Variants in TBCE observed in about 807,000 individuals in gnomAD.
TBCE encodes tubulin-specific chaperone E.
A neutral mutation model predicts 77.0 loss-of-function variants in TBCE; 53 were observed. The ratio of observed to expected loss-of-function variants is 0.69; its 90% CI spans 0.55 to 0.87. The LOEUF is 0.87. TBCE is among the 40% of genes least tolerant of loss of function. The pLI, the probability that TBCE is intolerant of heterozygous loss-of-function variation, is 0.00. For missense variants in TBCE, 624 were observed against 622.4 expected (o/e 1.00, Z -0.03); for synonymous variants, 235 against 241.3 (o/e 0.97, Z 0.24).
rs1400252555 is a variant in TBCE, at chr1:235,402,377, CTAT to C, written c.185+798_185+800del. Reference sequence around the variant, plus strand: ...ACGCCCGGCCTGTCACATTGCATTTCTATTATTATTTTTGATCGCCTGATGTCA... The same window carrying C: ...ACGCCCGGCCTGTCACATTGCATTTCTATTATTTTTGATCGCCTGATGTCA... On this transcript the variant is annotated intron_variant, in intron 3 of 16. Coordinates refer to ENST00000642610, the MANE Select transcript of TBCE (RefSeq NM_003193.5). Among the ~76,000 whole-genome samples the C allele has an allele frequency of 3.9e-5, 6 of 151,956 alleles. No individual in the cohort carries two copies. In the East Asian group the frequency reaches 1.2e-3, roughly 29 times the overall value.
intron 4 of TBCE, 93 bp from the exon 5 acceptor site, chr1:235,419,380 C>A (rs1424161007): frequency 1.3e-6 from 2 of 1,570,434 alleles, no homozygotes; most frequent in Non-Finnish European, 1.7e-6. Flanking sequence ...TTTTTGGTAC[C>A]CTTTTATATG....
chr1:235,384,731 G>A (rs138065209), intron 2 of TBCE, among the ~76,000 whole-genome samples: 1,617 of 151,986 alleles, frequency 0.011, 9 homozygotes, highest in Non-Finnish European at 0.014. Context: ...TCTTGCTAGC[G>A]GTCTATCAAT....
chr1:235,434,023 TAACA>T, intron 7 of TBCE, 177 bp from the exon 8 acceptor site: 1 of 602,754 alleles, frequency 1.7e-6, no homozygotes, highest in Non-Finnish European at 3.0e-6. Context: ...TGCACCCCCT[TAACA>T]TTTTATTTAT....
chr1:235,390,702 A>G (rs1678329743), intron 2 of TBCE, among the ~76,000 whole-genome samples: 1 of 150,322 alleles, frequency 6.7e-6, no homozygotes, highest in South Asian at 2.1e-4. Context: ...CGGAGGTTGC[A>G]GTGAGCTGAG....
intron 3 of TBCE, among the ~76,000 whole-genome samples, chr1:235,408,849 T>C (rs957555363): frequency 5.9e-5 from 9 of 152,098 alleles, no homozygotes; most frequent in Admixed American, 5.2e-4. Context: ...AGACCTGGCC[T>C]TTTCCAGTAG....
chr1:235,407,527 C>A, intron 3 of TBCE, among the ~76,000 whole-genome samples: 1 of 152,114 alleles, frequency 6.6e-6, no homozygotes, highest in East Asian at 1.9e-4. Flanking sequence ...AGAGTCACGG[C>A]AGATTGTTTT....
At chr1:235,401,849 T>TTTTA (rs71174426) in intron 3 of TBCE, among the ~76,000 whole-genome samples, 1 of 121,564 alleles carries the variant, frequency 8.2e-6, no homozygotes, top group African/African-American at 3.1e-5. Context: ...TTTTTTTTTT[T>TTTTA]AACAGTCCTT....
At chr1:235,434,045 C>A (rs1010310616) in intron 7 of TBCE, 159 bp from the exon 8 acceptor site, 4 of 729,630 alleles carry the variant, frequency 5.5e-6, no homozygotes, top group African/African-American at 5.2e-5. Context: ...TATCACCCCC[C>A]ACCACTATTC....
intron 2 of TBCE, among the ~76,000 whole-genome samples, chr1:235,398,698 C>T (rs1264049877): frequency 6.9e-6 from 1 of 145,188 alleles, no homozygotes; most frequent in African/African-American, 2.5e-5. Flanking sequence ...CAAATTCTGC[C>T]TCCTGGGTTG....
At chr1:235,427,000 T>G (rs1238878552) in intron 5 of TBCE, 140 bp from the exon 6 acceptor site, 1 of 670,392 alleles carries the variant, frequency 1.5e-6, no homozygotes, top group African/African-American at 1.8e-5. Flanking sequence ...AAAAATATTA[T>G]GTACTCCTGA....
chr1:235,391,495 G>A (rs1678386065), intron 2 of TBCE, among the ~76,000 whole-genome samples: 2 of 150,002 alleles, frequency 1.3e-5, no homozygotes, highest in South Asian at 2.1e-4. Context: ...AAAAAAAAGC[G>A]TAGACAAAGA....
At chr1:235,413,069 CTGGGATT>C in intron 3 of TBCE, among the ~76,000 whole-genome samples, 1 of 152,174 alleles carries the variant, frequency 6.6e-6, no homozygotes, top group African/African-American at 2.4e-5. Flanking sequence ...TCCCAAAGTG[CTGGGATT>C]ATAGGCATGA....
chr1:235,384,017 T>G (rs1057462755), intron 2 of TBCE, among the ~76,000 whole-genome samples: 1 of 152,060 alleles, frequency 6.6e-6, no homozygotes, highest in African/African-American at 2.4e-5. Flanking sequence ...TTGAGAGTTT[T>G]TAGCATGAAG....
At chr1:235,382,909 G>A (rs1417398408) in intron 2 of TBCE, among the ~76,000 whole-genome samples, 1 of 151,078 alleles carries the variant, frequency 6.6e-6, no homozygotes, top group Non-Finnish European at 1.5e-5. Context: ...GTCCTGAATG[G>A]TATTGCCTAG....
intron 1 of TBCE, among the ~76,000 whole-genome samples, chr1:235,372,397 A>G (rs911717865): frequency 9.2e-5 from 14 of 152,126 alleles, no homozygotes; most frequent in Non-Finnish European, 1.8e-4. Context: ...TATCTTAAGA[A>G]TTTTTCCCAA....
intron 5 of TBCE, among the ~76,000 whole-genome samples, chr1:235,423,986 C>G (rs1223141506): frequency 6.6e-6 from 1 of 152,136 alleles, no homozygotes; most frequent in East Asian, 1.9e-4. Context: ...TGGTTCCTGC[C>G]TAAAATTATT....
rs199861377 is a variant in TBCE at position 235,450,236 on chromosome 1, G to A, written c.*1474G>A. On this transcript the variant is annotated 3_prime_UTR_variant, in exon 17 of 17. Coordinates refer to ENST00000642610, the MANE Select transcript of TBCE (RefSeq NM_003193.5). ...TTGCTTGACATCGACAAGGATCACCGCACCGTTCCTTCAGTTTCCACAGTT... is the reference window on the plus strand; with the variant it reads ...TTGCTTGACATCGACAAGGATCACCACACCGTTCCTTCAGTTTCCACAGTT... The A allele has an allele frequency of 9.9e-6, 16 of 1,614,068 alleles. No homozygotes were observed. The highest frequency in any genetic ancestry group is 1.7e-5 in the Admixed American group (1 of 59,998).
chr1:235,396,752 T>C (rs906913315), intron 2 of TBCE, among the ~76,000 whole-genome samples: 3 of 152,210 alleles, frequency 2.0e-5, no homozygotes, highest in East Asian at 3.8e-4. Flanking sequence ...CACCTTTTCA[T>C]GTACCTGCTT....
chr1:235,386,661 A>G (rs1313383352), intron 2 of TBCE, among the ~76,000 whole-genome samples: 1 of 152,098 alleles, frequency 6.6e-6, no homozygotes, highest in Non-Finnish European at 1.5e-5. Flanking sequence ...AGCTCCTTTA[A>G]GCACTTCTCT....
Sources: gnomAD v4.1 joint callset for allele counts (sites outside exome capture counted in the v4.1 genomes callset) on GRCh38, gnomAD v4.1.1 for gene constraint, MANE v1.5 for transcripts, NCBI Gene and HGNC (gene_info 2026-07-23, HGNC 2026-07-21) for gene names.